The following MYO1E variants were observed in gnomAD, a reference collection of about 807,000 sequenced individuals.
MYO1E encodes the protein unconventional myosin-Ie.
MYO1E carries 68 observed loss-of-function variants against 151.1 expected under a neutral mutation model. The observed-to-expected ratio is 0.45, with a 90% CI of 0.37 to 0.55. MYO1E has a LOEUF of 0.55. Ranked by LOEUF, MYO1E falls within the 20% of genes least tolerant of loss-of-function variation. MYO1E has a pLI of 0.00. For synonymous variants in MYO1E, 601 were observed against 501.7 expected, an observed-to-expected ratio of 1.20 and a Z score of -2.64; for missense variants, 1,363 against 1,389.3, an observed-to-expected ratio of 0.98 and a Z score of 0.30.
At chr15:59,208,081 C>A in intron 14 of MYO1E, 1 of 1,563,884 alleles carries the variant, frequency 6.4e-7, no homozygotes, top group South Asian at 1.2e-5. Flanking sequence ...TAAGCTTAAG[C>A]TTTAAAGTTG....
At chr15:59,339,054 C>T (rs936756279) in intron 1 of MYO1E, among the ~76,000 whole-genome samples, 2 of 152,214 alleles carry the variant, frequency 1.3e-5, no homozygotes, top group African/African-American at 4.8e-5. Context: ...ATTGCTTGAA[C>T]CTGGGATACA....
At chr15:59,332,873 A>G (rs1469199615) in intron 1 of MYO1E, among the ~76,000 whole-genome samples, 1 of 152,014 alleles carries the variant, frequency 6.6e-6, no homozygotes, top group Non-Finnish European at 1.5e-5. Flanking sequence ...CTGGGATTCT[A>G]TTGGATGCAG....
At chr15:59,292,047 C>G (rs1162299889) in intron 1 of MYO1E, among the ~76,000 whole-genome samples, 1 of 152,180 alleles carries the variant, frequency 6.6e-6, no homozygotes, top group South Asian at 2.1e-4. Flanking sequence ...TTAAAATCTA[C>G]CCAACACTCT....
At chr15:59,209,619 T>A (rs2079864593) in intron 13 of MYO1E, among the ~76,000 whole-genome samples, 1 of 151,898 alleles carries the variant, frequency 6.6e-6, no homozygotes, top group Admixed American at 6.6e-5. Context: ...GAGGTTACAG[T>A]GAGCCAAGAT....
rs74017391 is a variant in MYO1E at position 59,199,945 on chromosome 15, C to T, written c.1698+2381G>A. Among the ~76,000 whole-genome samples the T allele has an allele frequency of 6.1e-3, 923 of 152,272 alleles. 16 individuals carry two copies. The highest frequency in any genetic ancestry group is 0.021 in the African/African-American group (888 of 41,554). ...ACAGCCAGGCAGACAGAGGTCACAA[C>T]ATCCACCAAGGAGATTGTGCCTGGA... On this transcript the variant is annotated intron_variant, in intron 16 of 27. Transcript: ENST00000288235.
At chr15:59,336,671 TAC>T (rs1215234112) in intron 1 of MYO1E, among the ~76,000 whole-genome samples, 7 of 152,244 alleles carry the variant, frequency 4.6e-5, no homozygotes, top group Admixed American at 1.3e-4. Flanking sequence ...TACATAGGTA[TAC>T]ACGTGCCATG....
At chr15:59,216,586 G>GTA (rs1337728447) in intron 10 of MYO1E, among the ~76,000 whole-genome samples, 105 of 65,476 alleles carry the variant, frequency 1.6e-3, no homozygotes, top group African/African-American at 5.0e-3. Context: ...TTATGTGTGT[G>GTA]TGTGTGTGTA....
At chr15:59,202,456 G>C in intron 15 of MYO1E, 49 bp from the exon 16 acceptor site, 1 of 1,552,660 alleles carries the variant, frequency 6.4e-7, no homozygotes, top group Non-Finnish European at 8.9e-7. Context: ...GTACCTCTGG[G>C]GCTGAAAGCC....
chr15:59,195,944 T>C (rs956407844), intron 16 of MYO1E, among the ~76,000 whole-genome samples: 1 of 152,206 alleles, frequency 6.6e-6, no homozygotes, highest in Non-Finnish European at 1.5e-5. Flanking sequence ...TAGAGCGCCT[T>C]TGAAGATATA....
At chr15:59,306,068 T>C (rs145360602) in intron 1 of MYO1E, among the ~76,000 whole-genome samples, 40 of 152,326 alleles carry the variant, frequency 2.6e-4, no homozygotes, top group African/African-American at 9.4e-4. Flanking sequence ...TACAGCTGCA[T>C]ATTCTCAGGT....
chr15:59,271,402 G>A (rs563098135), intron 2 of MYO1E, among the ~76,000 whole-genome samples: 5 of 152,258 alleles, frequency 3.3e-5, no homozygotes, highest in African/African-American at 9.6e-5. Flanking sequence ...GGCACTATTG[G>A]CATCAAAGTT....
chr15:59,148,216 C>T (rs2079453637), intron 26 of MYO1E, among the ~76,000 whole-genome samples: 1 of 152,072 alleles, frequency 6.6e-6, no homozygotes, highest in Non-Finnish European at 1.5e-5. Context: ...TGGGGTAGCA[C>T]ATAGAAGGCA....
rs2079858408 is a variant in MYO1E, at chr15:59,208,851, G to C, written c.1363-3C>G. On this transcript the variant is annotated splice_polypyrimidine_tract_variant and splice_region_variant and intron_variant, in intron 13 of 27. Coordinates refer to ENST00000288235, the MANE Select transcript of MYO1E (RefSeq NM_004998.4). ...ATGCTCATGATGCCAGGAGGGTTCT[G>C]ATGGGAGCAAGAAGGCAAGGCCCTA... 1 of 1,614,122 alleles carries C rather than the reference G, an allele frequency of 6.2e-7. No individual in the cohort carries two copies. The highest frequency in any genetic ancestry group is 8.5e-7 in the Non-Finnish European group (1 of 1,180,034).
chr15:59,277,446 G>A (rs2140386063), intron 1 of MYO1E, among the ~76,000 whole-genome samples: 1 of 151,582 alleles, frequency 6.6e-6, no homozygotes, highest in South Asian at 2.1e-4. Flanking sequence ...TCGGGAGGCT[G>A]AGGCAGGAGA....
At chr15:59,238,120 G>C (rs2038941186) in intron 4 of MYO1E, among the ~76,000 whole-genome samples, 1 of 152,154 alleles carries the variant, frequency 6.6e-6, no homozygotes, top group South Asian at 2.1e-4. Flanking sequence ...CCTGGGACGA[G>C]GTGTCACACT....
chr15:59,200,671 G>T (rs921500525), intron 16 of MYO1E, among the ~76,000 whole-genome samples: 26 of 152,172 alleles, frequency 1.7e-4, no homozygotes, highest in Non-Finnish European at 4.4e-5. Context: ...GGCGATACAG[G>T]AAAGGGGCTA....
At chr15:59,206,109 C>T (rs1348836422) in intron 14 of MYO1E, among the ~76,000 whole-genome samples, 2 of 152,040 alleles carry the variant, frequency 1.3e-5, no homozygotes, top group Non-Finnish European at 2.9e-5. Flanking sequence ...AGCAGCCCCA[C>T]ACAGCCTGGC....
chr15:59,323,459 T>C (rs1388971951), intron 1 of MYO1E, among the ~76,000 whole-genome samples: 1 of 151,860 alleles, frequency 6.6e-6, no homozygotes. Flanking sequence ...GAGACCATCC[T>C]GGTTAACATG....
rs562545489 is a variant in MYO1E, at chr15:59,214,717, T to C, written c.1111A>G (p.Ile371Val). 5.6e-6 allele frequency: 9 copies of C among 1,612,132 alleles called. No homozygotes were observed. The Admixed American group carries it at 1.2e-4, about 21-fold the overall frequency. The change falls in exon 11 of 28, where the codon ATC (isoleucine) becomes GTC (valine). Residue 371 changes from isoleucine (I) to valine (V), a missense_variant. Coordinates refer to ENST00000288235, the MANE Select transcript of MYO1E (RefSeq NM_004998.4). ...ARVFDFLVDSINKAMEKDHEE... is the reference protein window; with the variant it reads ...ARVFDFLVDSVNKAMEKDHEE... ...TGGTCTTTCTCCATGGCTTTATTGA[T>C]GGACTAGAGAAAGTAAACAGCATGG...
Sources: allele counts gnomAD v4.1 joint callset (sites outside exome capture counted in the v4.1 genomes callset), GRCh38; gene constraint gnomAD v4.1.1; transcripts MANE v1.5; gene names NCBI Gene and HGNC (gene_info 2026-07-23, HGNC 2026-07-21).